Variants in PKNOX2 observed in about 807,000 individuals in gnomAD.
PKNOX2 encodes homeobox protein PKNOX2.
Under a neutral mutation model 53.1 loss-of-function variants are expected in PKNOX2, and 14 were observed. The observed-to-expected ratio is 0.26, with a 90% confidence interval of 0.17 to 0.41. PKNOX2 has a LOEUF of 0.41. Among genes scored for constraint, PKNOX2 ranks in the 10% least tolerant of loss-of-function variants. The pLI is 1.00. For synonymous variants in PKNOX2, 257 were observed against 242.8 expected, an observed-to-expected ratio of 1.06 and a Z score of -0.54; for missense variants, 496 against 602.8, an observed-to-expected ratio of 0.82 and a Z score of 1.85.
chr11:125,378,276 C>A (rs1200797600), intron 5 of PKNOX2, among the ~76,000 whole-genome samples: 1 of 152,368 alleles, frequency 6.6e-6, no homozygotes, highest in Middle Eastern at 3.4e-3. Flanking sequence ...CCGATCCCTG[C>A]GTGCCCCACC....
rs1565459412 is a variant in PKNOX2 at position 125,165,254 on chromosome 11, AC to A, written c.-201+482del. Among the ~76,000 whole-genome samples, 1 of 151,596 alleles carries A rather than the reference AC, an allele frequency of 6.6e-6. No homozygotes were observed. The highest frequency in any genetic ancestry group is 2.4e-5 in the African/African-American group (1 of 41,300). On this transcript the variant is annotated intron_variant, in intron 1 of 12. Coordinates refer to ENST00000298282, the MANE Select transcript of PKNOX2 (RefSeq NM_001382323.2). The surrounding 1 kb of genome is among the most constrained non-coding windows in gnomAD (Gnocchi z 4.5). ...GCGGACTCGAATCGCCGCGGGCCCA[AC>A]CCCGTAGCGGGCGGGCGGGGAGCTG...
At chr11:125,243,667 G>T (rs1565477899) in intron 2 of PKNOX2, among the ~76,000 whole-genome samples, 1 of 150,388 alleles carries the variant, frequency 6.6e-6, no homozygotes, top group Non-Finnish European at 1.5e-5. Flanking sequence ...CTGTCGCCCA[G>T]GCTGGAGTGC....
At chr11:125,410,912 G>A (rs1481849405) in intron 9 of PKNOX2, 36 bp downstream of exon 9, 2 of 1,564,886 alleles carry the variant, frequency 1.3e-6, no homozygotes, top group African/African-American at 2.7e-5. Flanking sequence ...TGTGCATGGT[G>A]TGGGCTAGGG....
chr11:125,209,406 C>T (rs1243458285), intron 1 of PKNOX2, among the ~76,000 whole-genome samples: 1 of 151,918 alleles, frequency 6.6e-6, no homozygotes, highest in East Asian at 1.9e-4. Flanking sequence ...TACACATGTG[C>T]GCGCACACAC....
chr11:125,340,718 CA>C (rs1413330373), intron 3 of PKNOX2, among the ~76,000 whole-genome samples: 1 of 152,152 alleles, frequency 6.6e-6, no homozygotes, highest in Non-Finnish European at 1.5e-5. Context: ...TGCTGGGACT[CA>C]AAGGGTTATG....
At chr11:125,207,345 C>T (rs1289316600) in intron 1 of PKNOX2, among the ~76,000 whole-genome samples, 3 of 151,896 alleles carry the variant, frequency 2.0e-5, no homozygotes, top group Admixed American at 6.6e-5. Flanking sequence ...AAATTGAATA[C>T]ACACATTCAA....
At chr11:125,233,954 C>G (rs1368595358) in intron 1 of PKNOX2, among the ~76,000 whole-genome samples, 1 of 152,164 alleles carries the variant, frequency 6.6e-6, no homozygotes, top group Non-Finnish European at 1.5e-5. Context: ...ATGCTCTGGC[C>G]CCACCTTGCT....
intron 10 of PKNOX2, among the ~76,000 whole-genome samples, chr11:125,419,865 T>C (rs1956078847): frequency 6.8e-6 from 1 of 147,426 alleles, no homozygotes; most frequent in Non-Finnish European, 1.5e-5. Flanking sequence ...ACCTCATCTG[T>C]TTAAAAAAAG....
intron 1 of PKNOX2, among the ~76,000 whole-genome samples, chr11:125,193,221 T>C (rs1362979631): frequency 1.3e-5 from 2 of 152,224 alleles, no homozygotes; most frequent in Non-Finnish European, 2.9e-5. Context: ...CCAGTTCCAA[T>C]ATCCCCCAGC....
At chr11:125,336,155 TA>T (rs1950423985) in intron 3 of PKNOX2, among the ~76,000 whole-genome samples, 1 of 152,188 alleles carries the variant, frequency 6.6e-6, no homozygotes, top group South Asian at 2.1e-4. Flanking sequence ...AGTTATTTTT[TA>T]AATTAGAAGT....
At chr11:125,228,232 C>T (rs1941885150) in intron 1 of PKNOX2, among the ~76,000 whole-genome samples, 1 of 152,204 alleles carries the variant, frequency 6.6e-6, no homozygotes, top group Non-Finnish European at 1.5e-5. Context: ...CTGTTGAGCA[C>T]TTGAAATGTG....
chr11:125,365,712 T>C (rs1383662452), intron 4 of PKNOX2, among the ~76,000 whole-genome samples: 1 of 152,216 alleles, frequency 6.6e-6, no homozygotes, highest in Non-Finnish European at 1.5e-5. Context: ...ATCCTTTAAT[T>C]GTCATCCCTT....
In PKNOX2 at chr11:125,315,405, C is replaced by T. The variant is rs189505659; in HGVS notation, c.-129-16414C>T. 4.6e-3 allele frequency among the ~76,000 whole-genome samples: 704 copies of T among 152,072 alleles called. 4 individuals carry two copies. The highest frequency in any genetic ancestry group is 0.016 in the African/African-American group (666 of 41,460). ...CTGGTGGGCGGCTCTGCCTCCTGCC[C>T]GAGGCCCAGCCCATGGGGTCTGCTA... is the stretch of plus-strand genomic sequence containing the variant. On this transcript the variant is annotated intron_variant, in intron 2 of 12. Transcript: ENST00000298282.
intron 2 of PKNOX2, among the ~76,000 whole-genome samples, chr11:125,260,868 G>A (rs1944792477): frequency 6.6e-6 from 1 of 152,160 alleles, no homozygotes; most frequent in South Asian, 2.1e-4. Flanking sequence ...GGAGAAACTA[G>A]CAAAGAGGCC....
intron 2 of PKNOX2, among the ~76,000 whole-genome samples, chr11:125,282,494 C>G (rs185735687): frequency 4.7e-4 from 72 of 152,280 alleles, no homozygotes; most frequent in Non-Finnish European, 4.7e-4. Context: ...GCTGGGCCCT[C>G]CCTCTGGGGT....
intron 11 of PKNOX2, 85 bp downstream of exon 11, chr11:125,429,173 C>A: frequency 3.1e-6 from 4 of 1,304,600 alleles, no homozygotes; most frequent in South Asian, 1.2e-5. Flanking sequence ...AAAAGAGACT[C>A]GAATGCCAGG....
intron 2 of PKNOX2, among the ~76,000 whole-genome samples, chr11:125,313,723 C>A (rs551585886): frequency 6.6e-6 from 1 of 152,270 alleles, no homozygotes; most frequent in South Asian, 2.1e-4. Context: ...CTGGTAGCCA[C>A]AAGCCACGTG....
rs185462819 is a variant in PKNOX2 at position 125,244,817 on chromosome 11, G to C, written c.-130+9702G>C. On this transcript the variant is annotated intron_variant, in intron 2 of 12. Transcript: ENST00000298282. ...TAGGCTAGGTTGGGGTGAGCATCTG[G>C]GGGAGGGCAGGGTGCTTGTGAGACT... is the stretch of plus-strand genomic sequence containing the variant. Among the ~76,000 whole-genome samples, 1,351 of 152,286 alleles carry C rather than the reference G, an allele frequency of 8.9e-3. 12 individuals are homozygous for C. The highest frequency in any genetic ancestry group is 0.017 in the Admixed American group (253 of 15,300).
chr11:125,293,483 G>A (rs1947441183), intron 2 of PKNOX2, among the ~76,000 whole-genome samples: 1 of 152,136 alleles, frequency 6.6e-6, no homozygotes, highest in Admixed American at 6.5e-5. Context: ...TCTTTCTTGG[G>A]AAGAGATCTT....
Sources: gnomAD v4.1 joint callset for allele counts (sites outside exome capture counted in the v4.1 genomes callset) on GRCh38, gnomAD v4.1.1 for gene constraint, Gnocchi (gnomAD v3.1) non-coding constraint, MANE v1.5 for transcripts, NCBI Gene and HGNC (gene_info 2026-07-23, HGNC 2026-07-21) for gene names.